Variants in CSTPP1 observed in about 807,000 individuals in gnomAD.
The protein encoded by CSTPP1 is UPF0705 protein C11orf49.
chr11:46,963,026 T>A, the CSTPP1 span, among the ~76,000 whole-genome samples: 1 of 152,240 alleles, frequency 6.6e-6, no homozygotes, highest in Admixed American at 6.5e-5. Context: ...TTCTTAGATT[T>A]CTTAGGATTT....
the CSTPP1 span, among the ~76,000 whole-genome samples, chr11:46,952,773 C>G: frequency 2.0e-5 from 3 of 152,122 alleles, no homozygotes; most frequent in Non-Finnish European, 2.9e-5. Flanking sequence ...CAGAATAGTT[C>G]CTCTCTATAC....
chr11:46,969,074 A>C, the CSTPP1 span, among the ~76,000 whole-genome samples: 1,075 of 152,314 alleles, frequency 7.1e-3, 7 homozygotes, highest in Middle Eastern at 0.027. Flanking sequence ...TTCTTGTCTT[A>C]CAGAAAGACC....
the CSTPP1 span, among the ~76,000 whole-genome samples, chr11:47,123,521 G>A: frequency 0.6 from 91,271 of 152,046 alleles, 28,171 homozygotes; most frequent in Middle Eastern, 0.69. Context: ...CTTCACAGCA[G>A]TCTTGCTCCT....
At chr11:47,091,387 A>T in the CSTPP1 span, among the ~76,000 whole-genome samples, 11 of 152,094 alleles carry the variant, frequency 7.2e-5, no homozygotes, top group South Asian at 2.1e-4. Context: ...AAAAAAAAAA[A>T]TTTTACCTAA....
the CSTPP1 span, among the ~76,000 whole-genome samples, chr11:46,986,547 C>G: frequency 6.6e-6 from 1 of 151,940 alleles, no homozygotes; most frequent in Non-Finnish European, 1.5e-5. Context: ...GCAACCTCCA[C>G]CTCCCAGGTT....
At chr11:47,136,658 GATC>G in the CSTPP1 span, among the ~76,000 whole-genome samples, 1 of 152,158 alleles carries the variant, frequency 6.6e-6, no homozygotes, top group African/African-American at 2.4e-5. Context: ...AAGTGCCTGT[GATC>G]ATCATCTTCA....
At chr11:47,157,819 A>AC in the CSTPP1 span, 1 of 1,613,244 alleles carries the variant, frequency 6.2e-7, no homozygotes. Context: ...TTAGCTGCCC[A>AC]CCCCCAGCAC....
the CSTPP1 span, chr11:47,157,784 G>A: frequency 1.2e-6 from 2 of 1,602,810 alleles, no homozygotes; most frequent in African/African-American, 2.7e-5. Context: ...GGCTGGCTAG[G>A]CTCTGAATGT....
chr11:47,164,103 T>C, the CSTPP1 span: 1 of 1,610,988 alleles, frequency 6.2e-7, no homozygotes, highest in Admixed American at 1.7e-5. Flanking sequence ...GGTGGTGAGG[T>C]CGAAGCTGCA....
the CSTPP1 span, among the ~76,000 whole-genome samples, chr11:47,043,737 A>G: frequency 2.0e-5 from 3 of 152,092 alleles, no homozygotes; most frequent in Non-Finnish European, 2.9e-5. Context: ...CACACCTGTA[A>G]TCCTGGCATT....
At chr11:47,086,254 A>AAAAT in the CSTPP1 span, among the ~76,000 whole-genome samples, 1 of 147,548 alleles carries the variant, frequency 6.8e-6, no homozygotes, top group Non-Finnish European at 1.5e-5. Context: ...AAAAAAAAAA[A>AAAAT]AAATAGCTGG....
the CSTPP1 span, among the ~76,000 whole-genome samples, chr11:47,020,621 T>G: frequency 3.3e-5 from 5 of 152,154 alleles, no homozygotes. Context: ...TTCCAATATT[T>G]TTGCTTAGGA....
At chr11:47,038,076 G>A in the CSTPP1 span, among the ~76,000 whole-genome samples, 15 of 96,698 alleles carry the variant, frequency 1.6e-4, no homozygotes, top group African/African-American at 2.6e-4. Flanking sequence ...CTCACCTCCC[G>A]GATGGGGCGG....
chr11:47,028,195 T>C, the CSTPP1 span, among the ~76,000 whole-genome samples: 1 of 152,216 alleles, frequency 6.6e-6, no homozygotes, highest in South Asian at 2.1e-4. Flanking sequence ...AGTGCTGGGA[T>C]TACAGGCGTG....
chr11:46,963,738 TC>T, the CSTPP1 span, among the ~76,000 whole-genome samples: 1 of 149,356 alleles, frequency 6.7e-6, no homozygotes, highest in Admixed American at 6.7e-5. Context: ...TGAGCTGAGA[TC>T]ACGCCATTGC....
the CSTPP1 span, among the ~76,000 whole-genome samples, chr11:47,119,716 A>G: frequency 2.1e-5 from 3 of 144,440 alleles, no homozygotes; most frequent in Non-Finnish European, 4.5e-5. Context: ...GGTTCAAGCA[A>G]TTCTCCTGCC....
the CSTPP1 span, among the ~76,000 whole-genome samples, chr11:47,009,307 A>G: frequency 6.6e-6 from 1 of 152,316 alleles, no homozygotes; most frequent in Non-Finnish European, 1.5e-5. Context: ...TTGGAGGAAG[A>G]ACTCTTTTAA....
At chr11:47,025,900 G>T in the CSTPP1 span, among the ~76,000 whole-genome samples, 1 of 152,128 alleles carries the variant, frequency 6.6e-6, no homozygotes, top group Admixed American at 6.5e-5. Context: ...AGTTATAAAA[G>T]AAAACAGACA....
the CSTPP1 span, among the ~76,000 whole-genome samples, chr11:46,937,883 C>A: frequency 6.6e-6 from 1 of 151,382 alleles, no homozygotes; most frequent in African/African-American, 2.4e-5. Context: ...TTTTTAAAGA[C>A]GTTTTGTTTT....
Sources: gnomAD v4.1 joint callset for allele counts (sites outside exome capture counted in the v4.1 genomes callset) on GRCh38, gnomAD v4.1.1 for gene constraint, MANE v1.5 for transcripts, NCBI Gene and HGNC (gene_info 2026-07-23, HGNC 2026-07-21) for gene names.